NOTCH2: variants seen among roughly 807,000 people sequenced by gnomAD.
The protein encoded by NOTCH2 is neurogenic locus notch homolog protein 2.
Under a neutral mutation model 235.8 loss-of-function variants are expected in NOTCH2, and 29 were observed. The observed-to-expected ratio is 0.12, with a 90% CI of 0.09 to 0.17. The LOEUF is 0.17. Ranked by LOEUF, NOTCH2 falls within the 10% of genes least tolerant of loss-of-function variation. The pLI, the probability that NOTCH2 is intolerant of heterozygous loss-of-function variation, is 1.00. For missense variants in NOTCH2, 2,285 were observed against 3,150.2 expected, an observed-to-expected ratio of 0.73 and a Z score of 6.57; for synonymous variants, 1,086 against 1,141.5, an observed-to-expected ratio of 0.95 and a Z score of 0.98.
At position 119,965,549 on chromosome 1, in the gene NOTCH2, A is replaced by T; in HGVS notation, c.1585T>A (p.Cys529Ser). The T allele has an allele frequency of 6.2e-7, 1 of 1,613,800 alleles. No homozygotes were observed. The highest frequency in any genetic ancestry group is 8.5e-7 in the Non-Finnish European group (1 of 1,179,680). ...LCPPGFTGPV[C>S]QIDIDDCSST... is the part of the protein sequence containing the mutation. ...GAACAGTCATCAATATCAATCTGGC[A>T]AACTGGCCCAGTGAAACCTCAAAAA... Residue 529 changes from cysteine to serine, a missense_variant, in exon 10 of 34, where the codon TGC becomes AGC. Coordinates refer to ENST00000256646, the MANE Select transcript of NOTCH2 (RefSeq NM_024408.4).
intron 1 of NOTCH2, among the ~76,000 whole-genome samples, chr1:120,047,789 C>T (rs1553213870): frequency 8.6e-6 from 1 of 115,706 alleles, no homozygotes; most frequent in East Asian, 2.3e-4. Flanking sequence ...TTTTGAGATG[C>T]AGTCTCTCTC....
chr1:119,953,728 C>A lies in NOTCH2; in HGVS notation c.2220-40G>T, dbSNP rs782787638. ...AACTTTTTACTATAGGAGGTATAAA[C>A]GTATGATTGAGTCATAGAGTGAAAT... On this transcript the variant is annotated intron_variant, in intron 13 of 33. Coordinates refer to ENST00000256646, the MANE Select transcript of NOTCH2 (RefSeq NM_024408.4). 6 of 1,570,876 alleles carry A rather than the reference C, an allele frequency of 3.8e-6. No homozygotes were observed. The Admixed American group carries it at 5.0e-5, about 13-fold the overall frequency.
chr1:119,972,685 G>A (rs1553200511), intron 5 of NOTCH2, among the ~76,000 whole-genome samples: 1 of 152,194 alleles, frequency 6.6e-6, no homozygotes, highest in Non-Finnish European at 1.5e-5. Flanking sequence ...CAAGCACTGT[G>A]CTTGGGCTCC....
intron 11 of NOTCH2, among the ~76,000 whole-genome samples, chr1:119,961,410 C>G (rs1260743248): frequency 6.6e-6 from 1 of 152,190 alleles, no homozygotes; most frequent in Non-Finnish European, 1.5e-5. Flanking sequence ...ACTCCAGCCC[C>G]CTGTCCATGG....
In NOTCH2 at chr1:119,911,610, C is replaced by A. The variant is rs1571142450; in HGVS notation, c.*3696G>T. The A allele has an allele frequency of 4.3e-6, 1 of 231,682 alleles. No individual in the cohort carries two copies. Among genetic ancestry groups the A allele is most frequent in the Admixed American group, 5.6e-5 (1 of 17,748 alleles). The allele number at this position is 231,682 out of a possible 1,614,324, so 14.4% of individuals were successfully genotyped here. The stretch of plus-strand genomic sequence containing the variant: ...TAAATGTATGAATGTGAACTTATAA[C>A]AAATTTATACACAAAATATTATTTT... On this transcript the variant is annotated 3_prime_UTR_variant, in exon 34 of 34. Transcript: ENST00000256646.
At chr1:119,975,644 CAAA>C (rs11316344) in intron 5 of NOTCH2, among the ~76,000 whole-genome samples, 5,943 of 99,678 alleles carry the variant, frequency 0.06, 182 homozygotes, top group South Asian at 0.13. Context: ...GACTCCATCT[CAAA>C]AAAAAAAAAA....
chr1:119,922,856 A>G (rs1649336050), intron 26 of NOTCH2, 78 bp from the exon 27 acceptor site: 6 of 1,583,584 alleles, frequency 3.8e-6, no homozygotes, highest in Non-Finnish European at 5.2e-6. Context: ...AGAACATGTC[A>G]TAAAGGGTGA....
intron 12 of NOTCH2, among the ~76,000 whole-genome samples, chr1:119,957,048 G>C (rs1650729755): frequency 6.6e-6 from 1 of 152,232 alleles, no homozygotes; most frequent in African/African-American, 2.4e-5. Flanking sequence ...CCACACTTCA[G>C]AGTCTGGCAT....
In NOTCH2 at chr1:120,005,368, G is replaced by A. The variant is rs1228719884; in HGVS notation, c.376C>T (p.Arg126Trp). Reference protein sequence around the residue: ...LNGGTCHMLSRDTYECTCQVG... With the variant: ...LNGGTCHMLSWDTYECTCQVG... The stretch of plus-strand genomic sequence containing the variant: ...TGACAGGTGCACTCATAGGTATCCC[G>A]GCTGAGCATATGGCATGTGCCGCCA... The change falls in exon 3 of 34, where the codon CGG (arginine) becomes TGG (tryptophan). Residue 126 changes from arginine (R) to tryptophan (W), a missense_variant. Transcript: ENST00000256646. 34 of 1,613,900 alleles carry A rather than the reference G, an allele frequency of 2.1e-5. No individual in the cohort carries two copies. The highest frequency in any genetic ancestry group is 1.8e-4 in the East Asian group (8 of 44,896).
In NOTCH2 at chr1:119,925,523, G is replaced by T; in HGVS notation, c.4293C>A (p.Ala1431=). ...PPATCLSQYC[A]DKARDGVCDE... ...CACAGACGCCATCCCGAGCTTTGTC[G>T]GCACAATACTGGCTCAGACAGGTGG... Residue 1431 remains alanine, a synonymous_variant, in exon 25 of 34, where the codon GCC becomes GCA. Coordinates refer to ENST00000256646, the MANE Select transcript of NOTCH2 (RefSeq NM_024408.4). The T allele has an allele frequency of 6.2e-7, 1 of 1,614,150 alleles. No individual in the cohort carries two copies. The highest frequency in any genetic ancestry group is 8.5e-7 in the Non-Finnish European group (1 of 1,180,034).
chr1:119,954,793 C>G lies in NOTCH2; in HGVS notation c.2219+247G>C, dbSNP rs373681227. Among the ~76,000 whole-genome samples, 20 of 152,210 alleles carry G rather than the reference C, an allele frequency of 1.3e-4. No homozygotes were observed. In the East Asian group the frequency reaches 3.8e-3, roughly 29 times the overall value. On this transcript the variant is annotated intron_variant, in intron 13 of 33. Transcript: ENST00000256646. ...TGAGTATGGGTTCCTCCCATGAGGT[C>G]CTTGCTAATGACCCATATAAGGGAG...
chr1:120,068,871 G>C, intron 1 of NOTCH2: 1 of 653,594 alleles, frequency 1.5e-6, no homozygotes, highest in South Asian at 1.5e-5. Context: ...CAAAGGCGAG[G>C]CTGGCTGCGA....
rs1649071493 is a variant in NOTCH2, at chr1:119,916,378, C to CTAG, written c.6341_6343dup (p.Thr2114dup). On this transcript the variant is annotated inframe_insertion, in exon 34 of 34. Transcript: ENST00000256646. ...TGCCTCCTTGGCAAGGTTAGGGAGG[C>CTAG]TAGTAGGCATGGTACTCTTGGCACT... 1.9e-6 allele frequency: 3 copies of CTAG among 1,614,176 alleles called. No homozygotes were observed. The East Asian group carries it at 6.7e-5, about 36-fold the overall frequency.
At chr1:119,978,024 G>C (rs1234566481) in intron 5 of NOTCH2, among the ~76,000 whole-genome samples, 10 of 152,134 alleles carry the variant, frequency 6.6e-5, no homozygotes, top group African/African-American at 2.4e-4. Flanking sequence ...CAGAGTGACA[G>C]GTGCTTTCAT....
At chr1:119,918,704 T>C in intron 31 of NOTCH2, 151 bp from the exon 32 acceptor site, 1 of 722,422 alleles carries the variant, frequency 1.4e-6, no homozygotes, top group Non-Finnish European at 2.4e-6. Flanking sequence ...CAAGATTCTA[T>C]CATGATCAAT....
chr1:120,029,014 GA>G (rs57567647), intron 2 of NOTCH2, among the ~76,000 whole-genome samples: 10 of 150,260 alleles, frequency 6.7e-5, no homozygotes, highest in Admixed American at 4.6e-4. Flanking sequence ...GGAGAAAAAG[GA>G]AAAAAAAATG....
chr1:119,924,432 A>G (rs1255316459), intron 25 of NOTCH2, among the ~76,000 whole-genome samples: 2 of 152,232 alleles, frequency 1.3e-5, no homozygotes, highest in African/African-American at 4.8e-5. Context: ...AGAGAACAAT[A>G]TTAACATGAC....
chr1:120,014,457 T>C (rs1277952486), intron 2 of NOTCH2, among the ~76,000 whole-genome samples: 2 of 150,478 alleles, frequency 1.3e-5, no homozygotes, highest in Non-Finnish European at 3.0e-5. Context: ...ATTTCCATTG[T>C]TACTGTTCAA....
chr1:119,946,492 G>T (rs939413461), intron 17 of NOTCH2, among the ~76,000 whole-genome samples: 1 of 152,022 alleles, frequency 6.6e-6, no homozygotes, highest in Non-Finnish European at 1.5e-5. Flanking sequence ...TTTAAGATTA[G>T]CTTTTAACAT....
Sources: allele counts gnomAD v4.1 joint callset (sites outside exome capture counted in the v4.1 genomes callset), GRCh38; gene constraint gnomAD v4.1.1; transcripts MANE v1.5; gene names NCBI Gene and HGNC (gene_info 2026-07-23, HGNC 2026-07-21).